WDR24: variants seen among roughly 807,000 people sequenced by gnomAD.
WDR24 encodes GATOR2 complex protein WDR24.
In WDR24, 32 loss-of-function variants were observed where a neutral mutation model predicts 66.7. The ratio of observed to expected loss-of-function variants is 0.48; its 90% CI spans 0.36 to 0.64. The LOEUF is 0.64. WDR24 is among the 30% of genes least tolerant of loss of function. The pLI, the probability that WDR24 is intolerant of heterozygous loss-of-function variation, is 0.00. For missense variants in WDR24, 978 were observed against 1,144.1 expected (o/e 0.85, Z 2.09); for synonymous variants, 565 against 469.1 (o/e 1.20, Z -2.64).
Position 686,932 on chromosome 16 carries a change from T to C in WDR24, c.1144A>G (p.Lys382Glu). The change falls in exon 3 of 9, where the codon AAG becomes GAG. Residue 382 changes from lysine to glutamate, a missense_variant. Around this residue, in one of 2 missense-constraint regions of WDR24, gnomAD observed 676 missense variants for 617.5 expected, o/e 1.09. Transcript: ENST00000293883. ...DRRHPIFFKR[K>E]LDPAEPFAGL... Reference sequence around the variant, plus strand: ...GCGAAGGGCTCGGCAGGGTCCAGCTTGCGCTTAAAGAAGATGGGGTGGCGC... The same window carrying C: ...GCGAAGGGCTCGGCAGGGTCCAGCTCGCGCTTAAAGAAGATGGGGTGGCGC... 4 of 1,604,782 alleles carry C rather than the reference T, an allele frequency of 2.5e-6. No individual in the cohort carries two copies. Among genetic ancestry groups the C allele is most frequent in the Non-Finnish European group, 2.5e-6 (3 of 1,178,364 alleles).
intron 1 of WDR24, 161 bp downstream of exon 1, chr16:688,999 A>C: frequency 1.7e-6 from 2 of 1,192,864 alleles, no homozygotes; most frequent in Non-Finnish European, 2.3e-6. Flanking sequence ...GTCCAGCCCA[A>C]CTTGCCCCAT....
intron 1 of WDR24, 185 bp downstream of exon 1, chr16:688,975 C>G: frequency 1.1e-6 from 1 of 918,930 alleles, no homozygotes; most frequent in Non-Finnish European, 1.6e-6. Context: ...CTTGACTGCC[C>G]TGGCTCACAT....
rs1417492132 is a variant in WDR24, at chr16:686,755, C to T, written c.1321G>A (p.Gly441Ser). ...CAGCACCTACCTACCTGGTTGCGGC[C>T]AAGCTCTCGAGCCACCTTTGCGTTG... ...DHNAKVARELGRNQVAQTWTM... is the reference protein window; with the variant it reads ...DHNAKVARELSRNQVAQTWTM... The change falls in exon 3 of 9, where the codon GGC becomes AGC. Residue 441 changes from glycine to serine, a missense_variant. By Grantham distance (56) the Gly-to-Ser change is moderately conservative. Around this residue, in one of 2 missense-constraint regions of WDR24, gnomAD observed 676 missense variants for 617.5 expected, o/e 1.09. Transcript: ENST00000293883. The T allele has an allele frequency of 1.3e-6, 2 of 1,597,224 alleles. No individual in the cohort carries two copies. Among genetic ancestry groups the T allele is most frequent in the Non-Finnish European group, 1.7e-6 (2 of 1,168,828 alleles).
rs763302909 is a variant in WDR24 at position 685,526 on chromosome 16, C to T, written c.1750G>A (p.Gly584Arg). The change falls in exon 7 of 9, where the codon GGG becomes AGG. Residue 584 changes from glycine (G) to arginine (R), a missense_variant. By Grantham distance (125) the Gly-to-Arg change is moderately radical. Around this residue, in one of 2 missense-constraint regions of WDR24, gnomAD observed 676 missense variants for 617.5 expected, o/e 1.09. Coordinates refer to ENST00000293883, the MANE Select transcript of WDR24 (RefSeq NM_032259.4). ...LRHEIVDTPPGPEHLQDKADS... is the reference protein window; with the variant it reads ...LRHEIVDTPPRPEHLQDKADS... ...GCCTTGTCCTGCAGGTGCTCGGGCCCGGGAGGCGTGTCCACGATCTCGTGG... is the reference window on the plus strand; with the variant it reads ...GCCTTGTCCTGCAGGTGCTCGGGCCTGGGAGGCGTGTCCACGATCTCGTGG... 1.3e-6 allele frequency: 2 copies of T among 1,588,416 alleles called. No homozygotes were observed. Among genetic ancestry groups the T allele is most frequent in the Non-Finnish European group, 1.7e-6 (2 of 1,164,424 alleles).
At chr16:687,469 G>A (rs1202443081) in intron 2 of WDR24, 53 bp from the exon 3 acceptor site, 1 of 1,571,628 alleles carries the variant, frequency 6.4e-7, no homozygotes, top group Non-Finnish European at 8.6e-7. Context: ...GCAGAGAGGG[G>A]ACCCCCCCGC....
rs1329784292 is a variant in WDR24, at chr16:687,623, C to T, written c.598G>A (p.Glu200Lys). Residue 200 changes from glutamate to lysine, a missense_variant, in exon 2 of 9, where the codon GAG (glutamate) becomes AAG (lysine). By Grantham distance (56) the Glu-to-Lys change is moderately conservative. Transcript: ENST00000293883. Reference protein sequence around the residue: ...LWDIRRPDRCERMFTAHNGPV... With the variant: ...LWDIRRPDRCKRMFTAHNGPV... ...CCGTTGTGGGCTGTGAACATCCTCT[C>T]GCACCGGTCGGGACGCCGGATGTCC... 6.8e-6 allele frequency: 11 copies of T among 1,613,442 alleles called. No homozygotes were observed. Among genetic ancestry groups the T allele is most frequent in the South Asian group, 2.2e-5 (2 of 91,086 alleles).
At chr16:686,504 G>A (rs993466209) in intron 3 of WDR24, among the ~76,000 whole-genome samples, 1 of 152,060 alleles carries the variant, frequency 6.6e-6, no homozygotes, top group Non-Finnish European at 1.5e-5. Flanking sequence ...GAAGAACAGA[G>A]AGCTTGAGCC....
At chr16:686,637 C>CT (rs2039910859) in intron 3 of WDR24, 107 bp downstream of exon 3, 1 of 1,365,350 alleles carries the variant, frequency 7.3e-7, no homozygotes, top group African/African-American at 1.5e-5. Flanking sequence ...GTGCGACTGG[C>CT]TGGAGTCCAT....
chr16:687,323 G>A lies in WDR24; in HGVS notation c.753C>T (p.Ile251=), dbSNP rs749577638. Residue 251 remains isoleucine, a synonymous_variant, in exon 3 of 9, where the codon ATC becomes ATT. Coordinates refer to ENST00000293883, the MANE Select transcript of WDR24 (RefSeq NM_032259.4). The stretch of plus-strand genomic sequence containing the variant: ...GCCACTTCACACGGGCCACCGAGGC[G>A]ATGGTCTGCACACAGTGCATCTCCT... ...RAKEMHCVQT[I]ASVARVKWRP... is the part of the protein sequence containing the mutation. 1.2e-5 allele frequency: 20 copies of A among 1,610,938 alleles called. No individual in the cohort carries two copies. The highest frequency in any genetic ancestry group is 4.4e-5 in the South Asian group (4 of 91,078).
rs374231595 is a variant in WDR24 at position 686,817 on chromosome 16, G to C, written c.1259C>G (p.Ala420Gly). ...CTCGGCCAGTGGCCGGCCAGCCAGC[G>C]CATAACGCTCAGCTGTGTCCACAAA... ...RWFVDTAERY[A>G]LAGRPLAELC... Residue 420 changes from alanine to glycine, a missense_variant, in exon 3 of 9, where the codon GCG becomes GGG. Ala to Gly is a moderately conservative substitution (Grantham distance 60). This residue lies in a region of WDR24 where 676 missense variants were observed against 617.5 expected (regional missense o/e 1.09). Coordinates refer to ENST00000293883, the MANE Select transcript of WDR24 (RefSeq NM_032259.4). 2 of 1,612,142 alleles carry C rather than the reference G, an allele frequency of 1.2e-6. No homozygotes were observed. Among genetic ancestry groups the C allele is most frequent in the Admixed American group, 3.3e-5 (2 of 59,982 alleles).
In WDR24 at chr16:685,596, G is replaced by C; in HGVS notation, c.1680C>G (p.Pro560=). ...GCGGCAGCACGCACTCAGGGTCCTCGGCTGGAAGGCAGGGACCAGCGGAGG... is the reference window on the plus strand; with the variant it reads ...GCGGCAGCACGCACTCAGGGTCCTCCGCTGGAAGGCAGGGACCAGCGGAGG... ...LYLLDPEHAH[P]EDPECVLPQE... Residue 560 remains proline, a splice_region_variant and synonymous_variant, in exon 7 of 9, where the codon CCC becomes CCG. Coordinates refer to ENST00000293883, the MANE Select transcript of WDR24 (RefSeq NM_032259.4). The C allele has an allele frequency of 6.3e-7, 1 of 1,599,852 alleles. No individual in the cohort carries two copies. Among genetic ancestry groups the C allele is most frequent in the Non-Finnish European group, 8.5e-7 (1 of 1,173,054 alleles).
At chr16:685,223 G>A in intron 7 of WDR24, 34 bp downstream of exon 7, 1 of 1,596,812 alleles carries the variant, frequency 6.3e-7, no homozygotes, top group Non-Finnish European at 8.5e-7. Context: ...GCCAGGGGCG[G>A]CGCTGCAGGG....
At chr16:687,906 T>G in intron 1 of WDR24, 167 bp from the exon 2 acceptor site, 3 of 891,628 alleles carry the variant, frequency 3.4e-6, no homozygotes, top group East Asian at 2.6e-5. Flanking sequence ...CCACACAGAG[T>G]CGCCACAAGA....
In WDR24 at chr16:689,935, G is replaced by A. The variant is rs548668295; in HGVS notation, c.-295C>T. Reference sequence around the variant, plus strand: ...AGTTTCATGTCTGACTTCCACGGAAGACTCTAGCTGGACATTCCCGGCCCA... The same window carrying A: ...AGTTTCATGTCTGACTTCCACGGAAAACTCTAGCTGGACATTCCCGGCCCA... On this transcript the variant is annotated 5_prime_UTR_variant, in exon 1 of 9. Coordinates refer to ENST00000293883, the MANE Select transcript of WDR24 (RefSeq NM_032259.4). 4.9e-5 allele frequency: 31 copies of A among 628,344 alleles called. No homozygotes were observed. The African/African-American group carries it at 5.4e-4, about 11-fold the overall frequency. The allele number at this position is 628,344 out of a possible 1,614,324, so 38.9% of individuals were successfully genotyped here.
Position 689,326 on chromosome 16 carries a change from G to A in WDR24, c.315C>T (p.Gly105=), listed in dbSNP as rs150137332. The change falls in exon 1 of 9, where the codon GGC becomes GGT. Residue 105 remains glycine, a synonymous_variant. Coordinates refer to ENST00000293883, the MANE Select transcript of WDR24 (RefSeq NM_032259.4). ...GGTCCTGCTTGTTGCGGGATGGCCG[G>A]CCCAGGTTCCACGTGACCACCACGC... The part of the protein sequence containing the change: ...TNGVVVTWNL[G]RPSRNKQDQL... 2.5e-6 allele frequency: 4 copies of A among 1,613,782 alleles called. No individual in the cohort carries two copies. Among genetic ancestry groups the A allele is most frequent in the African/African-American group, 1.3e-5 (1 of 75,060 alleles).
Position 690,351 on chromosome 16 carries a change from T to C in WDR24, c.-711A>G, listed in dbSNP as rs1374161747. 2.2e-6 allele frequency: 1 copy of C among 456,522 alleles called. No individual in the cohort carries two copies. The highest frequency in any genetic ancestry group is 1.5e-5 in the South Asian group (1 of 64,560). 28.3% of individuals were successfully genotyped at this position (456,522 alleles called of 1,614,324 possible). The stretch of plus-strand genomic sequence containing the variant: ...CCCTTCTCCCCCGCGCGAACCCCAA[T>C]CTTTTACTAAAAGCGCACGGTTGTC... On this transcript the variant is annotated 5_prime_UTR_variant, in exon 1 of 9. Transcript: ENST00000293883.
At chr16:689,106 G>A in intron 1 of WDR24, 54 bp downstream of exon 1, 1 of 1,596,400 alleles carries the variant, frequency 6.3e-7, no homozygotes, top group Non-Finnish European at 8.6e-7. Context: ...TGCATGGACA[G>A]GCTGGGCACC....
chr16:689,404 G>A lies in WDR24; in HGVS notation c.237C>T (p.Asp79=), dbSNP rs371395302. 1.1e-5 allele frequency: 17 copies of A among 1,613,580 alleles called. No homozygotes were observed. The African/African-American group carries it at 1.2e-4, about 11-fold the overall frequency. The change falls in exon 1 of 9, where the codon GAC becomes GAT. Residue 79 remains aspartate (D), a synonymous_variant. Transcript: ENST00000293883. ...TCTCATCCATCTGGTGCCAGACCAC[G>A]TCAGCACAGCTCAGGTTAAGCGAAG... ...RKPSLNLSCA[D]VVWHQMDENL...
Position 685,767 on chromosome 16 carries a change from C to G in WDR24, c.1590G>C (p.Glu530Asp). 6.2e-7 allele frequency: 1 copy of G among 1,613,248 alleles called. No homozygotes were observed. ...LITNEDNEET[E>D]GSDVPADYLL... ...GGTAGTCGGCAGGTACGTCGCTGCC[C>G]TCGGTTTCCTCGTTATCTGCCCGAC... The change falls in exon 6 of 9, where the codon GAG becomes GAC. Residue 530 changes from glutamate to aspartate, a missense_variant. Physicochemically the swap from Glu to Asp is conservative, Grantham distance 45. Transcript: ENST00000293883.
Sources: allele counts gnomAD v4.1 joint callset (sites outside exome capture counted in the v4.1 genomes callset), GRCh38; gene constraint gnomAD v4.1.1; regional missense constraint gnomAD v4.1.1; transcripts MANE v1.5; gene names NCBI Gene and HGNC (gene_info 2026-07-23, HGNC 2026-07-21).